The following SLC45A4 variants were observed in gnomAD, a reference collection of about 807,000 sequenced individuals.
The protein encoded by SLC45A4 is polyamine-transporter SLC45A4.
A neutral mutation model predicts 63.7 loss-of-function variants in SLC45A4; 32 were observed. The ratio of observed to expected loss-of-function variants is 0.50; its 90% CI spans 0.38 to 0.67. SLC45A4 has a LOEUF of 0.67. Among genes scored for constraint, SLC45A4 ranks in the 30% least tolerant of loss-of-function variants. The probability of loss-of-function intolerance (pLI) is 0.00; values close to 1 mark genes in which losing one functional copy is unlikely to be tolerated. For missense variants in SLC45A4, 1,027 were observed against 1,157.7 expected, an observed-to-expected ratio of 0.89 and a Z score of 1.64; for synonymous variants, 535 against 510.0, an observed-to-expected ratio of 1.05 and a Z score of -0.66.
Position 141,218,638 on chromosome 8 carries a change from G to A in SLC45A4, c.1002C>T (p.Ile334=), listed in dbSNP as rs766959107. The A allele has an allele frequency of 1.4e-5, 23 of 1,613,402 alleles. No individual in the cohort carries two copies. The highest frequency in any genetic ancestry group is 1.9e-5 in the Non-Finnish European group (22 of 1,179,920). The change falls in exon 5 of 9, where the codon ATC becomes ATT. Residue 334 remains isoleucine (I), a synonymous_variant. Coordinates refer to ENST00000517878, the MANE Select transcript of SLC45A4 (RefSeq NM_001286646.2). Reference sequence around the variant, plus strand: ...TGGCGGGGTAGGAGGCGTCGTGGAAGATGGAGGGCTCGATGTCGTGCAGGA... The same window carrying A: ...TGGCGGGGTAGGAGGCGTCGTGGAAAATGGAGGGCTCGATGTCGTGCAGGA... ...LLFLHDIEPS[I]FHDASYPATP...
chr8:141,217,918 C>T (rs763494787), intron 5 of SLC45A4, 93 bp downstream of exon 5: 20 of 1,424,186 alleles, frequency 1.4e-5, no homozygotes, highest in African/African-American at 2.8e-5. Flanking sequence ...CGCGTGGGCA[C>T]GAGGAAGAGG....
chr8:141,229,294 A>C lies in SLC45A4; in HGVS notation c.242-7529T>G, dbSNP rs1188195464. Among the ~76,000 whole-genome samples the C allele has an allele frequency of 6.6e-5, 10 of 151,876 alleles. No individual in the cohort carries two copies. Among genetic ancestry groups the C allele is most frequent in the Admixed American group, 5.9e-4 (9 of 15,246 alleles). Reference sequence around the variant, plus strand: ...CTGCCGTGGCGTCCAGGGCCCTCAAAGTCCTGCCTCATGCCTGCAGCCCAC... The same window carrying C: ...CTGCCGTGGCGTCCAGGGCCCTCAACGTCCTGCCTCATGCCTGCAGCCCAC... On this transcript the variant is annotated intron_variant, in intron 2 of 8. Coordinates refer to ENST00000517878, the MANE Select transcript of SLC45A4 (RefSeq NM_001286646.2). The surrounding 1 kb of genome is among the most constrained non-coding windows in gnomAD (Gnocchi z 5.0).
rs1053627283 is a variant in SLC45A4 at position 141,271,394 on chromosome 8, G to C, written c.-400-16765C>G. Among the ~76,000 whole-genome samples, 49 of 152,340 alleles carry C rather than the reference G, an allele frequency of 3.2e-4. 1 individual carries two copies. The highest frequency in any genetic ancestry group is 9.6e-5 in the African/African-American group (4 of 41,572). Reference sequence around the variant, plus strand: ...GCAAACCTCAGACTTGCCAACAGCTGTGGGATCCTACCAGGAACTCCCAGG... The same window carrying C: ...GCAAACCTCAGACTTGCCAACAGCTCTGGGATCCTACCAGGAACTCCCAGG... On this transcript the variant is annotated intron_variant, in intron 1 of 8. Coordinates refer to ENST00000517878, the MANE Select transcript of SLC45A4 (RefSeq NM_001286646.2).
rs955195097 is a variant in SLC45A4 at position 141,207,869 on chromosome 8, G to A, written c.*3703C>T. On this transcript the variant is annotated 3_prime_UTR_variant, in exon 9 of 9. Coordinates refer to ENST00000517878, the MANE Select transcript of SLC45A4 (RefSeq NM_001286646.2). ...TGGGCCCCCAACATGCTGTGTGCAC[G>A]GGCCTTGTTCAACTCGGAACTGAAC... 3 of 152,356 alleles carry A rather than the reference G, an allele frequency of 2.0e-5. No homozygotes were observed. Among genetic ancestry groups the A allele is most frequent in the African/African-American group, 2.4e-5 (1 of 41,440 alleles). The allele number at this position is 152,356 out of a possible 1,614,324, so 9.4% of individuals were successfully genotyped here.
intron 1 of SLC45A4, among the ~76,000 whole-genome samples, chr8:141,270,673 A>G (rs1829488314): frequency 6.6e-6 from 1 of 152,080 alleles, no homozygotes; most frequent in East Asian, 1.9e-4. Flanking sequence ...TCCCGTGTCC[A>G]ATGCCAGCGT....
intron 1 of SLC45A4, among the ~76,000 whole-genome samples, chr8:141,282,935 C>A (rs28581424): frequency 0.14 from 21,193 of 152,250 alleles, 1,994 homozygotes; most frequent in East Asian, 0.37. Context: ...CGGCCTCGTG[C>A]CTAGGCCATG....
intron 2 of SLC45A4, among the ~76,000 whole-genome samples, chr8:141,249,761 G>A (rs918436515): frequency 2.0e-5 from 3 of 152,164 alleles, no homozygotes; most frequent in Non-Finnish European, 2.9e-5. Context: ...CTCCAACTCC[G>A]ATCAGGGAAA....
chr8:141,230,832 G>A (rs1827307206), intron 2 of SLC45A4, among the ~76,000 whole-genome samples: 1 of 152,252 alleles, frequency 6.6e-6, no homozygotes, highest in Non-Finnish European at 1.5e-5. Flanking sequence ...CGTGGTGAGT[G>A]CATTCTGCCA....
In SLC45A4 at chr8:141,228,525, C is replaced by T. The variant is rs550832430; in HGVS notation, c.242-6760G>A. The stretch of plus-strand genomic sequence containing the variant: ...CACCTGTCTTCACTGGCCAGCTCCT[C>T]GGGCAGGCACTCCCCGCAGCTGGAG... On this transcript the variant is annotated intron_variant, in intron 2 of 8. Transcript: ENST00000517878. 6.3e-5 allele frequency: 82 copies of T among 1,293,064 alleles called. No individual in the cohort carries two copies. The South Asian group carries it at 1.2e-3, about 19-fold the overall frequency. 80.1% of individuals were successfully genotyped at this position (1,293,064 alleles called of 1,614,324 possible).
chr8:141,306,886 A>G (rs1830912618), intron 1 of SLC45A4, among the ~76,000 whole-genome samples: 1 of 152,238 alleles, frequency 6.6e-6, no homozygotes, highest in Non-Finnish European at 1.5e-5. Context: ...CTCATCTGGT[A>G]AACCCTCCTC....
chr8:141,289,832 C>T (rs1457607652), intron 1 of SLC45A4, among the ~76,000 whole-genome samples: 2 of 152,070 alleles, frequency 1.3e-5, no homozygotes, highest in East Asian at 3.9e-4. Flanking sequence ...CACCACCCTC[C>T]AAGTCCTCAG....
intron 1 of SLC45A4, among the ~76,000 whole-genome samples, chr8:141,277,277 A>C (rs1440234302): frequency 6.6e-6 from 1 of 152,258 alleles, no homozygotes; most frequent in Non-Finnish European, 1.5e-5. Flanking sequence ...CGAGGACCGG[A>C]ATGAAAGGAC....
chr8:141,254,202 G>C lies in SLC45A4; in HGVS notation c.28C>G (p.Pro10Ala). 6.5e-7 allele frequency: 1 copy of C among 1,534,920 alleles called. No homozygotes were observed. Among genetic ancestry groups the C allele is most frequent in the Non-Finnish European group, 8.7e-7 (1 of 1,145,996 alleles). The change falls in exon 2 of 9, where the codon CCG becomes GCG. Residue 10 changes from proline (P) to alanine (A), a missense_variant. Physicochemically the swap from Pro to Ala is conservative, Grantham distance 27. Transcript: ENST00000517878. This position sits in a 1 kb window ranked among gnomAD's most constrained non-coding sequence, Gnocchi z 4.5. MKMAPQNAD[P>A]ESMQVQELSV... Reference sequence around the variant, plus strand: ...AACTCTTGAACTTGCATAGATTCCGGGTCGGCATTCTGCGGAGCCATTTTC... The same window carrying C: ...AACTCTTGAACTTGCATAGATTCCGCGTCGGCATTCTGCGGAGCCATTTTC...
At chr8:141,221,551 A>G (rs1318659255) in intron 3 of SLC45A4, 26 bp downstream of exon 3, 4 of 1,603,726 alleles carry the variant, frequency 2.5e-6, no homozygotes, top group Middle Eastern at 2.2e-4. Flanking sequence ...TGTTGTGAGG[A>G]CACCAGGTGT....
In SLC45A4 at chr8:141,211,235, A is replaced by G. The variant is rs989414081; in HGVS notation, c.*337T>C. On this transcript the variant is annotated 3_prime_UTR_variant, in exon 9 of 9. Coordinates refer to ENST00000517878, the MANE Select transcript of SLC45A4 (RefSeq NM_001286646.2). ...ACGAATCAAAGTGCAGTGAAAGTCA[A>G]CGTTTCCTTCCCCCTGACGTTGGGA... The G allele has an allele frequency of 4.5e-6, 2 of 443,858 alleles. No individual in the cohort carries two copies. The highest frequency in any genetic ancestry group is 4.1e-5 in the African/African-American group (2 of 49,210). The allele number at this position is 443,858 out of a possible 1,614,324, so 27.5% of individuals were successfully genotyped here. A position where few individuals can be genotyped will look rare whatever the true frequency, so the allele number is the denominator to read the frequency against.
intron 1 of SLC45A4, among the ~76,000 whole-genome samples, chr8:141,257,541 C>T (rs116913262): frequency 2.0e-5 from 3 of 152,346 alleles, no homozygotes; most frequent in East Asian, 1.9e-4. Flanking sequence ...ACAGTGTCCT[C>T]GGAGACTTGT....
chr8:141,242,435 C>G (rs1827959946), intron 2 of SLC45A4, among the ~76,000 whole-genome samples: 1 of 152,170 alleles, frequency 6.6e-6, no homozygotes, highest in South Asian at 2.1e-4. Context: ...TGTTTTCCCA[C>G]AGAGGATGTT....
At chr8:141,217,238 C>T in intron 5 of SLC45A4, 49 bp from the exon 6 acceptor site, 1 of 1,582,410 alleles carries the variant, frequency 6.3e-7, no homozygotes, top group Non-Finnish European at 8.7e-7. Flanking sequence ...GCTGGGCCCT[C>T]CAGGCCAGGA....
rs753748604 is a variant in SLC45A4, at chr8:141,218,452, G to T, written c.1188C>A (p.Gly396=). Residue 396 remains glycine (G), a synonymous_variant, in exon 5 of 9, where the codon GGC becomes GGA. Coordinates refer to ENST00000517878, the MANE Select transcript of SLC45A4 (RefSeq NM_001286646.2). The stretch of plus-strand genomic sequence containing the variant: ...GCTTCGTGTCCACCCTGGTGTAGCC[G>T]CCGAGGGCGTCTTTTGTGGGGGAGC... ...GSGSPTKDAL[G]GYTRVDTKPS... The T allele has an allele frequency of 6.2e-7, 1 of 1,612,718 alleles. No individual in the cohort carries two copies. Among genetic ancestry groups the T allele is most frequent in the East Asian group, 2.2e-5 (1 of 44,876 alleles).
Sources: allele counts gnomAD v4.1 joint callset (sites outside exome capture counted in the v4.1 genomes callset), GRCh38; gene constraint gnomAD v4.1.1; non-coding constraint Gnocchi (gnomAD v3.1); transcripts MANE v1.5; gene names NCBI Gene and HGNC (gene_info 2026-07-23, HGNC 2026-07-21).